The following SYNRG variants were observed in gnomAD, a reference collection of about 807,000 sequenced individuals.
SYNRG encodes synergin gamma.
A neutral mutation model predicts 130.9 loss-of-function variants in SYNRG; 37 were observed. The ratio of observed to expected loss-of-function variants is 0.28; its 90% CI spans 0.22 to 0.37. The LOEUF is 0.37. Ranked by LOEUF, SYNRG falls within the 10% of genes least tolerant of loss-of-function variation. The pLI is 1.00. For missense variants in SYNRG, 1,338 were observed against 1,588.9 expected, an observed-to-expected ratio of 0.84 and a Z score of 2.68; for synonymous variants, 539 against 568.1, an observed-to-expected ratio of 0.95 and a Z score of 0.73.
At chr17:37,575,840 CAAAA>C (rs1187221456) in intron 8 of SYNRG, among the ~76,000 whole-genome samples, 6 of 63,366 alleles carry the variant, frequency 9.5e-5, no homozygotes, top group African/African-American at 2.0e-4. Flanking sequence ...GACCTTGTCT[CAAAA>C]AAAAAAAAAA....
At chr17:37,525,690 G>A (rs952249715) in intron 19 of SYNRG, among the ~76,000 whole-genome samples, 13 of 152,030 alleles carry the variant, frequency 8.6e-5, no homozygotes, top group African/African-American at 2.9e-4. Flanking sequence ...AAAAAATGCC[G>A]GGAGCGGTGG....
chr17:37,536,098 G>A lies in SYNRG; in HGVS notation c.3547C>T (p.Arg1183Cys), dbSNP rs774632185. The change falls in exon 19 of 22, where the codon CGT (arginine) becomes TGT (cysteine). Residue 1183 changes from arginine (R) to cysteine (C), a missense_variant. Physicochemically the swap from Arg to Cys is radical, Grantham distance 180. Around this residue, in one of 3 missense-constraint regions of SYNRG, gnomAD observed 1,146 missense variants for 1,342.3 expected, o/e 0.85. Coordinates refer to ENST00000612223, the MANE Select transcript of SYNRG (RefSeq NM_007247.6). The stretch of plus-strand genomic sequence containing the variant: ...GTGGCTTTTATCCCCAGCTCCACAC[G>A]CTTGGTTACCCTGTACACTTCAACA... Reference protein sequence around the residue: ...GVVEVYRVTKRVELGIKATAV... With the variant: ...GVVEVYRVTKCVELGIKATAV... 7 of 1,613,660 alleles carry A rather than the reference G, an allele frequency of 4.3e-6. No individual in the cohort carries two copies. The highest frequency in any genetic ancestry group is 2.7e-5 in the African/African-American group (2 of 74,888).
chr17:37,568,767 T>G (rs368673485), intron 11 of SYNRG, 24 bp downstream of exon 11: 65 of 1,609,742 alleles, frequency 4.0e-5, no homozygotes, highest in Non-Finnish European at 4.9e-5. Flanking sequence ...AATGCAATGT[T>G]AAATATATTA....
Position 37,596,269 on chromosome 17 carries a change from C to T in SYNRG, c.194G>A (p.Gly65Glu), listed in dbSNP as rs774086831. Reference sequence around the variant, plus strand: ...GGACATCTGAGAGCTGTAATTCATTCCCATAATGCCTTGCATATTAGGCTG... The same window carrying T: ...GGACATCTGAGAGCTGTAATTCATTTCCATAATGCCTTGCATATTAGGCTG... ...VMQPNMQGIM[G>E]MNYSSQMSQG... Residue 65 changes from glycine to glutamate, a missense_variant, in exon 3 of 22, where the codon GGA becomes GAA. Physicochemically the swap from Gly to Glu is moderately conservative, Grantham distance 98. Coordinates refer to ENST00000612223, the MANE Select transcript of SYNRG (RefSeq NM_007247.6). The T allele has an allele frequency of 6.2e-7, 1 of 1,614,140 alleles. No individual in the cohort carries two copies. Among genetic ancestry groups the T allele is most frequent in the Non-Finnish European group, 8.5e-7 (1 of 1,180,000 alleles).
chr17:37,520,198 G>A lies in SYNRG; in HGVS notation c.3794C>T (p.Ala1265Val). 1 of 1,614,148 alleles carries A rather than the reference G, an allele frequency of 6.2e-7. No individual in the cohort carries two copies. The change falls in exon 21 of 22, where the codon GCA becomes GTA. Residue 1265 changes from alanine to valine, a missense_variant. By Grantham distance (64) the Ala-to-Val change is moderately conservative. This residue lies in a region of SYNRG where 1,146 missense variants were observed against 1,342.3 expected (regional missense o/e 0.85). Transcript: ENST00000612223. Reference protein sequence around the residue: ...DSRSRKEEKPAEEHPKKAFNS... With the variant: ...DSRSRKEEKPVEEHPKKAFNS... Reference sequence around the variant, plus strand: ...TCATACTTTTTTAGGATGTTCTTCTGCAGGCTTCTCTTCTTTCTGAAATAA... The same window carrying A: ...TCATACTTTTTTAGGATGTTCTTCTACAGGCTTCTCTTCTTTCTGAAATAA...
intron 14 of SYNRG, 137 bp downstream of exon 14, chr17:37,552,978 G>T: frequency 1.4e-6 from 1 of 738,916 alleles, no homozygotes. Context: ...GCTTTAAGGA[G>T]ACTGGCAATA....
At chr17:37,596,040 C>T (rs1002580484) in intron 3 of SYNRG, among the ~76,000 whole-genome samples, 183 bp downstream of exon 3, 17 of 152,240 alleles carry the variant, frequency 1.1e-4, no homozygotes, top group African/African-American at 3.9e-4. Flanking sequence ...CAGGCATGAG[C>T]CACTGCACCT....
At chr17:37,573,402 AAAAC>A (rs923286839) in intron 8 of SYNRG, among the ~76,000 whole-genome samples, 30 of 152,268 alleles carry the variant, frequency 2.0e-4, no homozygotes, top group Admixed American at 5.9e-4. Context: ...TTCCGTCTCA[AAAAC>A]AAACAAACAA....
At chr17:37,530,636 A>G (rs1400183437) in intron 19 of SYNRG, among the ~76,000 whole-genome samples, 8 of 152,254 alleles carry the variant, frequency 5.3e-5, no homozygotes, top group Admixed American at 5.2e-4. Context: ...TAGTCATCAT[A>G]ACAGTTAACC....
intron 19 of SYNRG, among the ~76,000 whole-genome samples, chr17:37,521,861 A>G (rs1235486293): frequency 6.6e-6 from 1 of 152,062 alleles, no homozygotes; most frequent in African/African-American, 2.4e-5. Context: ...GGCAGCTGAG[A>G]GGATTCACCA....
At chr17:37,602,977 T>C (rs1290615732) in intron 1 of SYNRG, among the ~76,000 whole-genome samples, 1 of 152,086 alleles carries the variant, frequency 6.6e-6, no homozygotes. Context: ...TGAGCTGAGA[T>C]TGCCCCACTG....
At chr17:37,607,880 C>A (rs970424061) in intron 1 of SYNRG, among the ~76,000 whole-genome samples, 1 of 142,258 alleles carries the variant, frequency 7.0e-6, no homozygotes, top group Admixed American at 7.9e-5. Context: ...CGCTTGGACC[C>A]AGGAGGCAGA....
chr17:37,597,567 ATTC>A (rs2062888531), intron 2 of SYNRG, among the ~76,000 whole-genome samples: 1 of 152,190 alleles, frequency 6.6e-6, no homozygotes, highest in South Asian at 2.1e-4. Context: ...AAGAAATGTT[ATTC>A]TTCTTCCTTT....
intron 15 of SYNRG, chr17:37,541,349 AC>A (rs1326075091): frequency 1.4e-6 from 1 of 698,274 alleles, no homozygotes; most frequent in African/African-American, 1.9e-5. Context: ...GTCCGCTGAG[AC>A]AGGAAGCGGT....
At chr17:37,540,581 A>C (rs1480060278) in intron 15 of SYNRG, 38 bp from the exon 16 acceptor site, 1 of 1,589,708 alleles carries the variant, frequency 6.3e-7, no homozygotes, top group Admixed American at 1.7e-5. Flanking sequence ...GGTTTTGGCT[A>C]CTCACCTTAG....
intron 2 of SYNRG, among the ~76,000 whole-genome samples, chr17:37,596,986 C>T (rs932236867): frequency 6.6e-6 from 1 of 152,150 alleles, no homozygotes; most frequent in African/African-American, 2.4e-5. Flanking sequence ...GACCTCAACA[C>T]CCGCCTCAGC....
intron 11 of SYNRG, chr17:37,567,506 A>G (rs2060086633): frequency 6.6e-6 from 1 of 152,250 alleles, no homozygotes; most frequent in Admixed American, 6.5e-5. Flanking sequence ...GATCTGAAGT[A>G]GAAATACAAT....
Position 37,585,319 on chromosome 17 carries a change from T to C in SYNRG, c.477+6A>G. ...TTCTGGGTGAAGAGAAGTATTGAAA[T>C]ACTACCTTGGGTTTCACACTGCTCA... On this transcript the variant is annotated splice_donor_region_variant and intron_variant, in intron 5 of 21. Coordinates refer to ENST00000612223, the MANE Select transcript of SYNRG (RefSeq NM_007247.6). 6.2e-7 allele frequency: 1 copy of C among 1,609,244 alleles called. No individual in the cohort carries two copies. Among genetic ancestry groups the C allele is most frequent in the East Asian group, 2.2e-5 (1 of 44,748 alleles).
At chr17:37,536,443 C>T (rs1227339646) in intron 18 of SYNRG, 4 of 340,042 alleles carry the variant, frequency 1.2e-5, no homozygotes, top group Admixed American at 9.5e-5. Context: ...AGTAGCTCCT[C>T]CAAGGATGGT....
Sources: gnomAD v4.1 joint callset for allele counts (sites outside exome capture counted in the v4.1 genomes callset) on GRCh38, gnomAD v4.1.1 for gene constraint, gnomAD v4.1.1 regional missense constraint, MANE v1.5 for transcripts, NCBI Gene and HGNC (gene_info 2026-07-23, HGNC 2026-07-21) for gene names.